The following PAPPA variants were observed in gnomAD, a reference collection of about 807,000 sequenced individuals.
The protein encoded by PAPPA is pappalysin 1.
PAPPA carries 60 observed loss-of-function variants against 164.0 expected under a neutral mutation model. That is an observed-to-expected ratio of 0.37 (90% CI 0.30 to 0.45). PAPPA has a LOEUF of 0.45. PAPPA is among the 20% of genes least tolerant of loss of function. PAPPA has a pLI of 1.00. For synonymous variants in PAPPA, 875 were observed against 814.1 expected, an observed-to-expected ratio of 1.07 and a Z score of -1.27; for missense variants, 1,782 against 2,087.3, an observed-to-expected ratio of 0.85 and a Z score of 2.85.
Position 116,268,700 on chromosome 9 carries a change from T to TTTAAC in PAPPA, c.2862-2625_2862-2624insTTAAC, listed in dbSNP as rs397735489. On this transcript the variant is annotated intron_variant, in intron 8 of 21. Transcript: ENST00000328252. The stretch of plus-strand genomic sequence containing the variant: ...TATTAATTTTAAATAGTATACTTAA[T>TTTAAC]ACAGTTTTTTTTTAGTATTTTTACC... Among the ~76,000 whole-genome samples the TTTAAC allele has an allele frequency of 7.3e-5, 11 of 151,676 alleles. No individual in the cohort carries two copies. The South Asian group carries it at 2.3e-3, about 32-fold the overall frequency.
chr9:116,366,691 G>T (rs1846504328), intron 18 of PAPPA, among the ~76,000 whole-genome samples: 1 of 152,196 alleles, frequency 6.6e-6, no homozygotes, highest in South Asian at 2.1e-4. Flanking sequence ...AGCATGGGTA[G>T]TGCTGGCCCT....
intron 7 of PAPPA, among the ~76,000 whole-genome samples, chr9:116,236,518 C>T (rs912060011): frequency 5.5e-5 from 8 of 145,754 alleles, no homozygotes; most frequent in African/African-American, 1.0e-4. Flanking sequence ...ATCCAGGAGG[C>T]GGGGTTGCAG....
rs201641016 is a variant in PAPPA, at chr9:116,335,087, C to T, written c.3611+13C>T. The stretch of plus-strand genomic sequence containing the variant: ...CTGCCGAGCAGAGGTAAGGGATCCG[C>T]GGCAGACTCGCCCTAGGCCACTTGT... On this transcript the variant is annotated intron_variant, in intron 13 of 21. Transcript: ENST00000328252. The T allele has an allele frequency of 9.0e-5, 144 of 1,605,118 alleles. No homozygotes were observed. The African/African-American group carries it at 1.5e-3, about 17-fold the overall frequency.
At chr9:116,373,826 C>T (rs1846608528) in intron 19 of PAPPA, 2 of 152,098 alleles carry the variant, frequency 1.3e-5, no homozygotes, top group African/African-American at 4.8e-5. Flanking sequence ...ACTGTCACTA[C>T]CTATGTGTAC....
rs142594440 is a variant in PAPPA at position 116,317,026 on chromosome 9, T to C, written c.3147+14076T>C. ...CTAGTGGGGTTCCCTGCAGGTAATG[T>C]GACTTGTACTTCAATTTCAACACAA... On this transcript the variant is annotated intron_variant, in intron 10 of 21. Transcript: ENST00000328252. Among the ~76,000 whole-genome samples the C allele has an allele frequency of 4.9e-4, 74 of 152,230 alleles. 3 individuals carry two copies. In the East Asian group the frequency reaches 0.014, roughly 28 times the overall value.
chr9:116,321,970 G>A (rs1036202944), intron 10 of PAPPA, among the ~76,000 whole-genome samples: 13 of 152,334 alleles, frequency 8.5e-5, no homozygotes, highest in East Asian at 1.9e-4. Context: ...CGTCAGACGA[G>A]CATGAGTTTG....
intron 9 of PAPPA, among the ~76,000 whole-genome samples, chr9:116,297,720 C>G (rs187609361): frequency 6.6e-6 from 1 of 152,136 alleles, no homozygotes; most frequent in East Asian, 1.9e-4. Flanking sequence ...CATGTCTATC[C>G]TTCAAGATAC....
chr9:116,382,973 G>C (rs539204165), intron 21 of PAPPA, among the ~76,000 whole-genome samples: 1 of 152,236 alleles, frequency 6.6e-6, no homozygotes, highest in South Asian at 2.1e-4. Context: ...ACAGAAAATA[G>C]TACATCCCTA....
At chr9:116,354,850 C>A (rs1470834426) in intron 17 of PAPPA, among the ~76,000 whole-genome samples, 2 of 152,064 alleles carry the variant, frequency 1.3e-5, no homozygotes, top group Non-Finnish European at 2.9e-5. Context: ...AACCAGGAGC[C>A]CCCGTCCCTT....
chr9:116,346,117 T>C lies in PAPPA; in HGVS notation c.3781-909T>C, dbSNP rs550839206. The stretch of plus-strand genomic sequence containing the variant: ...CTCAAGCACACATCCCTTTGATGTG[T>C]GCTTAAGAGGGAAAATGTCCTTTGC... On this transcript the variant is annotated intron_variant, in intron 14 of 21. Transcript: ENST00000328252. 1.1e-4 allele frequency among the ~76,000 whole-genome samples: 17 copies of C among 152,270 alleles called. No homozygotes were observed. The South Asian group carries it at 3.1e-3, about 28-fold the overall frequency.
Position 116,367,738 on chromosome 9 carries a change from AC to A in PAPPA, c.4593del (p.Thr1532HisfsTer3). The A allele has an allele frequency of 6.2e-7, 1 of 1,612,858 alleles. No individual in the cohort carries two copies. Among genetic ancestry groups the A allele is most frequent in the South Asian group, 1.1e-5 (1 of 90,982 alleles). ...GTGCGTGACATCCCCCACTGGCTGA[AC>A]CCCACACGGGTAGAGGTGAGTGACC... Reference protein sequence around the residue: ...VTVRDIPHWLNPTRVERVVCT... With the variant: ...VTVRDIPHWLXPTRVERVVCT... On this transcript the variant is annotated frameshift_variant, in exon 19 of 22. Transcript: ENST00000328252. LOFTEE classifies it high-confidence loss of function.
chr9:116,312,915 C>T (rs1845739015), intron 10 of PAPPA, among the ~76,000 whole-genome samples: 1 of 151,866 alleles, frequency 6.6e-6, no homozygotes, highest in African/African-American at 2.4e-5. Context: ...AACCTCATCT[C>T]TACTAAAAAC....
chr9:116,348,698 A>G lies in PAPPA; in HGVS notation c.3964+1489A>G, dbSNP rs1466945924. On this transcript the variant is annotated intron_variant, in intron 15 of 21. Coordinates refer to ENST00000328252, the MANE Select transcript of PAPPA (RefSeq NM_002581.5). ...GCCCCAGTGTTAGTTGTTCTCCTCT[A>G]TGTGTCCATGTGTTCTCATTATTTA... Among the ~76,000 whole-genome samples the G allele has an allele frequency of 3.3e-5, 5 of 151,968 alleles. No homozygotes were observed. The East Asian group carries it at 9.7e-4, about 29-fold the overall frequency.
intron 1 of PAPPA, among the ~76,000 whole-genome samples, chr9:116,159,735 G>A (rs1269492657): frequency 6.6e-6 from 1 of 152,188 alleles, no homozygotes; most frequent in Non-Finnish European, 1.5e-5. Context: ...ACCTGGGAAA[G>A]CACCTCCCAT....
chr9:116,231,475 T>C (rs541959807), intron 6 of PAPPA, among the ~76,000 whole-genome samples: 9 of 152,142 alleles, frequency 5.9e-5, no homozygotes, highest in Non-Finnish European at 1.3e-4. Flanking sequence ...GCCATCTCCT[T>C]GCATGCTTTC....
intron 16 of PAPPA, 73 bp downstream of exon 16, chr9:116,352,989 G>A (rs551377604): frequency 1.8e-5 from 20 of 1,088,162 alleles, no homozygotes; most frequent in South Asian, 5.3e-5. Context: ...CTGACTGGAC[G>A]GAAGCACTCA....
intron 12 of PAPPA, among the ~76,000 whole-genome samples, chr9:116,334,456 C>A (rs937093194): frequency 6.6e-6 from 1 of 152,090 alleles, no homozygotes; most frequent in African/African-American, 2.4e-5. Context: ...TGGGAAGCGC[C>A]TGTTGCTATG....
At chr9:116,289,834 A>G (rs897152434) in intron 9 of PAPPA, among the ~76,000 whole-genome samples, 1 of 152,212 alleles carries the variant, frequency 6.6e-6, no homozygotes, top group African/African-American at 2.4e-5. Flanking sequence ...CAAACATTTG[A>G]AGAAGTGAGA....
In PAPPA at chr9:116,302,820, C is replaced by G. The variant is rs1389264886; in HGVS notation, c.3017C>G (p.Thr1006Ser). The G allele has an allele frequency of 2.5e-6, 4 of 1,613,894 alleles. 1 individual carries two copies. In the South Asian group the frequency reaches 4.4e-5, roughly 18 times the overall value. ...GTATGTGAGGAGTTTGAACAAAAAACCAGCATTAAGGACTGTGGTGTCTAC... is the reference window on the plus strand; with the variant it reads ...GTATGTGAGGAGTTTGAACAAAAAAGCAGCATTAAGGACTGTGGTGTCTAC... ...DGVCEEFEQK[T>S]SIKDCGVYTP... Residue 1006 changes from threonine to serine, a missense_variant, in exon 10 of 22, where the codon ACC (threonine) becomes AGC (serine). This residue lies in a region of PAPPA where 1,324 missense variants were observed against 1,656.9 expected (regional missense o/e 0.80). Coordinates refer to ENST00000328252, the MANE Select transcript of PAPPA (RefSeq NM_002581.5).
Sources: gnomAD v4.1 joint callset for allele counts (sites outside exome capture counted in the v4.1 genomes callset) on GRCh38, gnomAD v4.1.1 for gene constraint, gnomAD v4.1.1 regional missense constraint, MANE v1.5 for transcripts, NCBI Gene and HGNC (gene_info 2026-07-23, HGNC 2026-07-21) for gene names.